The following CSGALNACT1 variants were observed in gnomAD, a reference collection of about 807,000 sequenced individuals.
CSGALNACT1 encodes the protein chondroitin sulfate N-acetylgalactosaminyltransferase 1, also known as beta4GalNAcT-1.
Under a neutral mutation model 51.0 loss-of-function variants are expected in CSGALNACT1, and 52 were observed. The observed-to-expected ratio is 1.02, with a 90% CI of 0.82 to 1.29. The LOEUF (loss-of-function observed/expected upper bound fraction) is 1.29, where lower values mean the gene tolerates loss of function less well. Ranked by LOEUF, CSGALNACT1 falls within the 50% of genes most tolerant of loss-of-function variation. The probability of loss-of-function intolerance (pLI) is 0.00; values close to 1 mark genes in which losing one functional copy is unlikely to be tolerated. For synonymous variants in CSGALNACT1, 341 were observed against 254.4 expected (o/e 1.34, Z -3.24); for missense variants, 935 against 679.2 (o/e 1.38, Z -4.19).
intron 5 of CSGALNACT1, among the ~76,000 whole-genome samples, chr8:19,453,202 C>T (rs952665972): frequency 2.6e-5 from 4 of 152,162 alleles, no homozygotes; most frequent in Non-Finnish European, 5.9e-5. Context: ...ATTTCTTAGA[C>T]ATGTTTCACA....
intron 2 of CSGALNACT1, among the ~76,000 whole-genome samples, chr8:19,593,000 C>T (rs1054992946): frequency 6.6e-6 from 1 of 152,068 alleles, no homozygotes; most frequent in Non-Finnish European, 1.5e-5. Context: ...TAGGCTTATC[C>T]AGATATAACA....
At chr8:19,439,174 G>GA (rs1033712295) in intron 6 of CSGALNACT1, among the ~76,000 whole-genome samples, 3 of 152,220 alleles carry the variant, frequency 2.0e-5, no homozygotes, top group East Asian at 3.9e-4. Flanking sequence ...TTTTTATAGG[G>GA]AAAAAAATCC....
At chr8:19,450,938 A>T (rs1000423778) in intron 5 of CSGALNACT1, among the ~76,000 whole-genome samples, 10 of 150,714 alleles carry the variant, frequency 6.6e-5, no homozygotes, top group South Asian at 2.1e-4. Context: ...AAAAAATAAT[A>T]AAAAAAAAGG....
chr8:19,647,163 T>G (rs1313870391), intron 1 of CSGALNACT1, among the ~76,000 whole-genome samples: 2 of 152,182 alleles, frequency 1.3e-5, no homozygotes, highest in Non-Finnish European at 2.9e-5. Context: ...AGAGGTTAGC[T>G]GACAACTCAC....
At chr8:19,687,774 C>G (rs375946723) in intron 1 of CSGALNACT1, among the ~76,000 whole-genome samples, 3 of 152,302 alleles carry the variant, frequency 2.0e-5, no homozygotes, top group South Asian at 4.1e-4. Flanking sequence ...ATTACTATGT[C>G]CATTACAACT....
intron 1 of CSGALNACT1, among the ~76,000 whole-genome samples, chr8:19,687,943 G>A (rs2061068777): frequency 6.6e-6 from 1 of 152,206 alleles, no homozygotes; most frequent in Non-Finnish European, 1.5e-5. Flanking sequence ...AACAGCCACT[G>A]ACTTACAGGA....
At chr8:19,413,210 G>T (rs1384885439) in intron 8 of CSGALNACT1, among the ~76,000 whole-genome samples, 2 of 152,110 alleles carry the variant, frequency 1.3e-5, no homozygotes, top group African/African-American at 2.4e-5. Context: ...TCCAGGTTCT[G>T]CCATTTCCAG....
intron 4 of CSGALNACT1, among the ~76,000 whole-genome samples, chr8:19,469,652 G>A (rs188226989): frequency 2.0e-5 from 3 of 152,168 alleles, no homozygotes; most frequent in Non-Finnish European, 2.9e-5. Flanking sequence ...GGTCTGGCAC[G>A]GCTACATCCT....
At chr8:19,413,697 G>A (rs940812668) in intron 8 of CSGALNACT1, among the ~76,000 whole-genome samples, 1 of 152,218 alleles carries the variant, frequency 6.6e-6, no homozygotes, top group Admixed American at 6.5e-5. Flanking sequence ...AAGCCAGCAT[G>A]CTATGCACAC....
chr8:19,736,121 T>A (rs2063953919), intron 1 of CSGALNACT1, among the ~76,000 whole-genome samples: 2 of 152,194 alleles, frequency 1.3e-5, no homozygotes, highest in African/African-American at 4.8e-5. Flanking sequence ...AACAGCCATC[T>A]CTTCTTGTCT....
At chr8:19,554,173 C>T (rs1453890218) in intron 3 of CSGALNACT1, among the ~76,000 whole-genome samples, 1 of 151,988 alleles carries the variant, frequency 6.6e-6, no homozygotes, top group South Asian at 2.1e-4. Flanking sequence ...AAAACAATAT[C>T]CTAAAGGGTT....
chr8:19,549,285 T>C (rs763413202), intron 3 of CSGALNACT1, among the ~76,000 whole-genome samples: 11 of 152,188 alleles, frequency 7.2e-5, no homozygotes, highest in Non-Finnish European at 1.6e-4. Context: ...TATAACAGTA[T>C]TTTGTCTTAA....
chr8:19,731,895 C>T (rs1409321481), intron 1 of CSGALNACT1, among the ~76,000 whole-genome samples: 1 of 152,130 alleles, frequency 6.6e-6, no homozygotes, highest in Non-Finnish European at 1.5e-5. Context: ...AATATTGAGT[C>T]AAATAATAAC....
intron 6 of CSGALNACT1, among the ~76,000 whole-genome samples, chr8:19,424,515 C>A (rs1007368780): frequency 6.6e-6 from 1 of 152,152 alleles, no homozygotes; most frequent in Non-Finnish European, 1.5e-5. Context: ...AAAATCAAGA[C>A]AACTTCCTGT....
intron 1 of CSGALNACT1, among the ~76,000 whole-genome samples, chr8:19,717,087 G>T (rs1426044376): frequency 6.6e-6 from 1 of 152,126 alleles, no homozygotes; most frequent in Non-Finnish European, 1.5e-5. Flanking sequence ...ATGAGATAAT[G>T]CATGTGATAA....
chr8:19,412,888 C>T (rs574326426), intron 8 of CSGALNACT1, among the ~76,000 whole-genome samples: 1 of 152,188 alleles, frequency 6.6e-6, no homozygotes, highest in East Asian at 1.9e-4. Flanking sequence ...GATCATGCTG[C>T]ACAGGGTGCC....
chr8:19,408,947 A>AG (rs2054963165), intron 8 of CSGALNACT1, among the ~76,000 whole-genome samples: 1 of 60,744 alleles, frequency 1.6e-5, no homozygotes, highest in African/African-American at 5.1e-5. Flanking sequence ...CATAGATATG[A>AG]AAACACACAC....
chr8:19,516,524 G>A (rs143903485), intron 3 of CSGALNACT1, among the ~76,000 whole-genome samples: 140 of 152,218 alleles, frequency 9.2e-4, no homozygotes, highest in African/African-American at 3.3e-3. Flanking sequence ...TAGTTAAAAT[G>A]TTTTGTACCC....
chr8:19,615,085 T>C (rs6988797), intron 1 of CSGALNACT1, among the ~76,000 whole-genome samples: 29,992 of 152,146 alleles, frequency 0.2, 4,475 homozygotes, highest in African/African-American at 0.42. Flanking sequence ...CGAATGGGTA[T>C]TTGAGGTCAG....
Sources: allele counts gnomAD v4.1 joint callset (sites outside exome capture counted in the v4.1 genomes callset), GRCh38; gene constraint gnomAD v4.1.1; transcripts MANE v1.5; gene names NCBI Gene and HGNC (gene_info 2026-07-23, HGNC 2026-07-21).